Variants in IGF2BP2 observed in about 807,000 individuals in gnomAD.
The protein encoded by IGF2BP2 is insulin like growth factor 2 mRNA binding protein 2, also known as insulin-like growth factor 2 mRNA-binding protein 2.
A neutral mutation model predicts 75.8 loss-of-function variants in IGF2BP2; 17 were observed. The observed-to-expected ratio is 0.22, with a 90% CI of 0.15 to 0.34. The LOEUF is 0.34. IGF2BP2 is among the 10% of genes least tolerant of loss of function. The pLI is 1.00. For synonymous variants in IGF2BP2, 288 were observed against 295.6 expected (o/e 0.97, Z 0.26); for missense variants, 516 against 772.4 (o/e 0.67, Z 3.93).
chr3:185,823,176 A>G lies in IGF2BP2; in HGVS notation c.216T>C (p.Asp72=), dbSNP rs749507511. Residue 72 remains aspartate, a synonymous_variant, in exon 2 of 16, where the codon GAT becomes GAC. Coordinates refer to ENST00000382199, the MANE Select transcript of IGF2BP2 (RefSeq NM_006548.6). The part of the protein sequence containing the change: ...VELHGKIMEV[D]YSVSKKLRSR... ...ACCTTAGCTTTTTAGAGACTGAGTA[A>G]TCAACTTCCATGATTTTCCCATGCA... The G allele has an allele frequency of 8.1e-6, 13 of 1,609,052 alleles. No homozygotes were observed. The South Asian group carries it at 1.3e-4, about 16-fold the overall frequency.
At chr3:185,699,162 AC>A (rs1156824953) in intron 2 of IGF2BP2, among the ~76,000 whole-genome samples, 1 of 152,228 alleles carries the variant, frequency 6.6e-6, no homozygotes, top group Non-Finnish European at 1.5e-5. Flanking sequence ...AAAACAAAAA[AC>A]AAATGAAAAA....
intron 2 of IGF2BP2, among the ~76,000 whole-genome samples, chr3:185,821,315 C>T (rs138374319): frequency 1.5e-3 from 222 of 152,280 alleles, no homozygotes; most frequent in African/African-American, 5.0e-3. Flanking sequence ...CTGGGTATTT[C>T]ACATCGCCCA....
intron 2 of IGF2BP2, among the ~76,000 whole-genome samples, chr3:185,795,682 A>C (rs903966528): frequency 6.6e-6 from 1 of 152,182 alleles, no homozygotes; most frequent in Non-Finnish European, 1.5e-5. Flanking sequence ...GGAGTTCGAG[A>C]CCAGCCTGAC....
chr3:185,741,254 A>G (rs544339835), intron 2 of IGF2BP2, among the ~76,000 whole-genome samples: 4 of 152,304 alleles, frequency 2.6e-5, no homozygotes, highest in South Asian at 4.1e-4. Context: ...CCTCTCAGAG[A>G]TAAGTTCAGC....
At chr3:185,810,542 G>C (rs1739658933) in intron 2 of IGF2BP2, among the ~76,000 whole-genome samples, 1 of 152,178 alleles carries the variant, frequency 6.6e-6, no homozygotes. Context: ...AGGGGGCCAA[G>C]GCAGGCAGAT....
intron 10 of IGF2BP2, among the ~76,000 whole-genome samples, chr3:185,666,451 T>C (rs984114278): frequency 6.6e-6 from 1 of 152,054 alleles, no homozygotes; most frequent in Non-Finnish European, 1.5e-5. Context: ...CTGGGTAACA[T>C]GGTGAAACCC....
At chr3:185,770,092 A>G (rs1733676307) in intron 2 of IGF2BP2, among the ~76,000 whole-genome samples, 1 of 152,144 alleles carries the variant, frequency 6.6e-6, no homozygotes, top group Non-Finnish European at 1.5e-5. Context: ...ACGAATCCTG[A>G]GCCTTCTCTC....
intron 2 of IGF2BP2, among the ~76,000 whole-genome samples, chr3:185,750,064 G>A (rs1381364406): frequency 6.6e-6 from 1 of 152,202 alleles, no homozygotes; most frequent in Non-Finnish European, 1.5e-5. Context: ...TAACAAGCAA[G>A]TTGCAGGAAC....
chr3:185,778,420 C>A lies in IGF2BP2; in HGVS notation c.239+44733G>T, dbSNP rs866037233. Among the ~76,000 whole-genome samples, 7 of 152,304 alleles carry A rather than the reference C, an allele frequency of 4.6e-5. No homozygotes were observed. In the East Asian group the frequency reaches 5.8e-4, roughly 13 times the overall value. ...ACACAGCGGCCTAGCCAGGAGTCAACTTTTTTCTCATCAACATTATAATAA... is the reference window on the plus strand; with the variant it reads ...ACACAGCGGCCTAGCCAGGAGTCAAATTTTTTCTCATCAACATTATAATAA... On this transcript the variant is annotated intron_variant, in intron 2 of 15. Coordinates refer to ENST00000382199, the MANE Select transcript of IGF2BP2 (RefSeq NM_006548.6).
intron 2 of IGF2BP2, chr3:185,713,394 T>G (rs746099221): frequency 2.7e-5 from 14 of 519,616 alleles, no homozygotes; most frequent in Non-Finnish European, 5.4e-5. Context: ...CATGGCACAT[T>G]TATTGGAAAA....
intron 10 of IGF2BP2, among the ~76,000 whole-genome samples, chr3:185,665,425 AAGGAGGAGG>A (rs140425427): frequency 2.5e-5 from 1 of 40,230 alleles, no homozygotes; most frequent in Non-Finnish European, 5.5e-5. Context: ...GGAGAAGGAG[AAGGAGGAGG>A]AGGAGAAGGA....
intron 2 of IGF2BP2, among the ~76,000 whole-genome samples, chr3:185,819,945 G>A (rs535246245): frequency 4.6e-5 from 7 of 151,892 alleles, no homozygotes; most frequent in Admixed American, 1.3e-4. Flanking sequence ...CATTCCTATA[G>A]GAGACCAAAT....
At chr3:185,677,131 G>A (rs1719681033) in intron 7 of IGF2BP2, among the ~76,000 whole-genome samples, 2 of 130,834 alleles carry the variant, frequency 1.5e-5, no homozygotes, top group East Asian at 2.3e-4. Flanking sequence ...AGTAAAAAAG[G>A]TAAGAACATT....
intron 2 of IGF2BP2, among the ~76,000 whole-genome samples, chr3:185,790,570 C>A (rs537093566): frequency 2.0e-5 from 3 of 152,282 alleles, no homozygotes; most frequent in Admixed American, 1.3e-4. Context: ...CCCTTTACTT[C>A]GCTGATTTCT....
At chr3:185,695,846 A>G (rs1342154842) in intron 4 of IGF2BP2, among the ~76,000 whole-genome samples, 1 of 152,192 alleles carries the variant, frequency 6.6e-6, no homozygotes, top group African/African-American at 2.4e-5. Flanking sequence ...GCTGGAGTTC[A>G]GTGGTGTAAT....
chr3:185,671,491 C>T (rs187985071), intron 10 of IGF2BP2, among the ~76,000 whole-genome samples: 90 of 147,718 alleles, frequency 6.1e-4, no homozygotes, highest in African/African-American at 2.2e-3. Context: ...GAGACAAGAT[C>T]GCGCCACTGC....
intron 2 of IGF2BP2, among the ~76,000 whole-genome samples, chr3:185,822,343 G>A (rs9862583): frequency 0.038 from 5,836 of 152,082 alleles, 360 homozygotes; most frequent in African/African-American, 0.13. Context: ...ACACACAGCA[G>A]AAGAAAAAAA....
At chr3:185,662,160 A>T (rs1716553666) in intron 10 of IGF2BP2, among the ~76,000 whole-genome samples, 1 of 152,158 alleles carries the variant, frequency 6.6e-6, no homozygotes, top group Non-Finnish European at 1.5e-5. Context: ...TAAATTAATT[A>T]GTGATAAATG....
intron 2 of IGF2BP2, among the ~76,000 whole-genome samples, chr3:185,702,208 G>C (rs568033228): frequency 6.6e-6 from 1 of 152,196 alleles, no homozygotes; most frequent in Non-Finnish European, 1.5e-5. Context: ...TCATACACAG[G>C]GGCTGAGAAG....
Sources: allele counts gnomAD v4.1 joint callset (sites outside exome capture counted in the v4.1 genomes callset), GRCh38; gene constraint gnomAD v4.1.1; transcripts MANE v1.5; gene names NCBI Gene and HGNC (gene_info 2026-07-23, HGNC 2026-07-21).